PCDHGB6: variants seen among roughly 807,000 people sequenced by gnomAD.
PCDHGB6 encodes the protein protocadherin gamma subfamily B, 6, also known as protocadherin gamma-B6.
In PCDHGB6, 51 loss-of-function variants were observed where a neutral mutation model predicts 59.1. That is an observed-to-expected ratio of 0.86 (90% CI 0.69 to 1.09). PCDHGB6 has a LOEUF of 1.09. Ranked by LOEUF, PCDHGB6 falls within the 50% of genes least tolerant of loss-of-function variation. PCDHGB6 has a pLI of 0.00. For missense variants in PCDHGB6, 1,148 were observed against 1,205.1 expected (o/e 0.95, Z 0.70); for synonymous variants, 466 against 495.1 (o/e 0.94, Z 0.78).
Position 141,409,074 on chromosome 5 carries a change from T to C in PCDHGB6, c.872T>C (p.Met291Thr), listed in dbSNP as rs375843119. The C allele has an allele frequency of 4.3e-5, 69 of 1,613,884 alleles. No homozygotes were observed. Among genetic ancestry groups the C allele is most frequent in the South Asian group, 2.4e-4 (22 of 91,084 alleles). Residue 291 changes from methionine (M) to threonine (T), a missense_variant, in exon 1 of 4, where the codon ATG becomes ACG. This residue lies in a region of PCDHGB6 where 549 missense variants were observed against 527.5 expected (regional missense o/e 1.04). Coordinates refer to ENST00000520790, the MANE Select transcript of PCDHGB6 (RefSeq NM_018926.3). The stretch of plus-strand genomic sequence containing the variant: ...AGCACTGCCCAGAGCACAAAACATA[T>C]GTTCTCATTGGATGAGAAAACAGGT... ...FRSTAQSTKH[M>T]FSLDEKTGMI...
At position 141,489,783 on chromosome 5, in the gene PCDHGB6, T is replaced by C; in HGVS notation, c.2419-5024T>C. The C allele has an allele frequency of 6.2e-7, 1 of 1,614,164 alleles. No individual in the cohort carries two copies. On this transcript the variant is annotated intron_variant, in intron 1 of 3. Transcript: ENST00000520790. The surrounding 1 kb of genome is among the most constrained non-coding windows in gnomAD (Gnocchi z 4.5). ...GCCCCAACAGCCACTTCTCTCTGAA[T>C]GTGAAGACCCTAAAAGATGGGAAGC... is the stretch of plus-strand genomic sequence containing the variant.
rs1562106021 is a variant in PCDHGB6 at position 141,485,561 on chromosome 5, G to T, written c.2419-9246G>T. 6.2e-7 allele frequency: 1 copy of T among 1,613,008 alleles called. No individual in the cohort carries two copies. Among genetic ancestry groups the T allele is most frequent in the Non-Finnish European group, 8.5e-7 (1 of 1,179,122 alleles). ...AGAGATCGTAGATGTGAATGATCAC[G>T]CCCCCCGTTTTCCGCGGCAGCAGCT... On this transcript the variant is annotated intron_variant, in intron 1 of 3. Coordinates refer to ENST00000520790, the MANE Select transcript of PCDHGB6 (RefSeq NM_018926.3). The surrounding 1 kb of genome is among the most constrained non-coding windows in gnomAD (Gnocchi z 5.7).
At chr5:141,421,508 A>C in intron 1 of PCDHGB6, 1 of 1,614,046 alleles carries the variant, frequency 6.2e-7, no homozygotes, top group Non-Finnish European at 8.5e-7. Context: ...ATAGACCGGG[A>C]GGAGCTCTGT....
intron 2 of PCDHGB6, among the ~76,000 whole-genome samples, 199 bp downstream of exon 2, chr5:141,495,064 C>T (rs563712352): frequency 6.6e-6 from 1 of 152,296 alleles, no homozygotes; most frequent in South Asian, 2.1e-4. Context: ...GTTCAGGAAG[C>T]TCAATTCACA....
intron 1 of PCDHGB6, among the ~76,000 whole-genome samples, chr5:141,458,408 C>A (rs895785923): frequency 6.6e-6 from 1 of 151,932 alleles, no homozygotes; most frequent in East Asian, 1.9e-4. Flanking sequence ...AGAGACGGAG[C>A]GGGGGTTCCA....
At chr5:141,438,589 TAC>T (rs72335471) in intron 1 of PCDHGB6, among the ~76,000 whole-genome samples, 19,881 of 66,350 alleles carry the variant, frequency 0.3, 2,903 homozygotes, top group Admixed American at 0.41. Context: ...CATACATACA[TAC>T]ATATATATAT....
chr5:141,415,853 G>GTAGTT, intron 1 of PCDHGB6: 1 of 1,186,350 alleles, frequency 8.4e-7, no homozygotes, highest in Non-Finnish European at 1.1e-6. Context: ...GCAGAACCTT[G>GTAGTT]TAGTTTATAG....
At position 141,444,152 on chromosome 5, in the gene PCDHGB6, A is replaced by ATTT. The variant is rs747671382; in HGVS notation, c.2418+33566_2418+33568dup. 1.9e-3 allele frequency among the ~76,000 whole-genome samples: 66 copies of ATTT among 33,898 alleles called. 23 individuals are homozygous for ATTT. Among genetic ancestry groups the ATTT allele is most frequent in the African/African-American group, 4.6e-3 (33 of 7,184 alleles). The allele number at this position is 33,898 out of a possible 152,430, so 22.2% of individuals were successfully genotyped here. A position where few individuals can be genotyped will look rare whatever the true frequency, so the allele number is the denominator to read the frequency against. On this transcript the variant is annotated intron_variant, in intron 1 of 3. Transcript: ENST00000520790. Reference sequence around the variant, plus strand: ...GATATGTGTCACTTGTGTGTACTGGATTTTTTTTTTTTTTTTTTTTTTTTT... The same window carrying ATTT: ...GATATGTGTCACTTGTGTGTACTGGATTTTTTTTTTTTTTTTTTTTTTTTTTTT...
At chr5:141,427,115 C>G (rs1276437779) in intron 1 of PCDHGB6, 5 of 457,520 alleles carry the variant, frequency 1.1e-5, no homozygotes, top group African/African-American at 1.0e-4. Flanking sequence ...AGATCACCTA[C>G]TCTTTCAAAT....
intron 1 of PCDHGB6, among the ~76,000 whole-genome samples, chr5:141,437,550 A>T (rs866913156): frequency 6.6e-6 from 1 of 152,192 alleles, no homozygotes; most frequent in African/African-American, 2.4e-5. Context: ...AGTTTTCTTT[A>T]TGACATGTAA....
At chr5:141,419,439 C>G (rs375537017) in intron 1 of PCDHGB6, 1 of 1,613,154 alleles carries the variant, frequency 6.2e-7, no homozygotes, top group Non-Finnish European at 8.5e-7. Context: ...CAGCTGCGCA[C>G]CTTCGAGCTC....
At chr5:141,427,550 C>T (rs1310933864) in intron 1 of PCDHGB6, 1 of 643,730 alleles carries the variant, frequency 1.6e-6, no homozygotes, top group East Asian at 3.2e-5. Context: ...CCATCACTGC[C>T]ACTGACAAGG....
At chr5:141,472,172 T>A (rs548514406) in intron 1 of PCDHGB6, among the ~76,000 whole-genome samples, 11 of 152,326 alleles carry the variant, frequency 7.2e-5, no homozygotes, top group African/African-American at 2.6e-4. Context: ...AGGTGTAATA[T>A]CCAGTATTGG....
chr5:141,417,141 C>T (rs1455831459), intron 1 of PCDHGB6: 1 of 152,018 alleles, frequency 6.6e-6, no homozygotes, highest in Non-Finnish European at 1.5e-5. Context: ...ATGACTAGGG[C>T]AATGGTTGCA....
At chr5:141,413,626 G>T (rs757785567) in intron 1 of PCDHGB6, 24 of 1,613,680 alleles carry the variant, frequency 1.5e-5, no homozygotes, top group Non-Finnish European at 1.7e-5. Context: ...TGAAAATGTC[G>T]CTGCGGGAAT....
Position 141,432,581 on chromosome 5 carries a change from C to T in PCDHGB6, c.2418+21961C>T. 6.2e-7 allele frequency: 1 copy of T among 1,613,930 alleles called. No homozygotes were observed. The highest frequency in any genetic ancestry group is 8.5e-7 in the Non-Finnish European group (1 of 1,179,974). On this transcript the variant is annotated intron_variant, in intron 1 of 3. Coordinates refer to ENST00000520790, the MANE Select transcript of PCDHGB6 (RefSeq NM_018926.3). The surrounding 1 kb of genome is among the most constrained non-coding windows in gnomAD (Gnocchi z 6.0). ...CCAGAACGCCTGGCTGTCCTACCGT[C>T]TGCTCAAGGCCAGCGAGCCGGGACT...
rs1007318194 is a variant in PCDHGB6, at chr5:141,512,035, T to G, written c.*862T>G. On this transcript the variant is annotated 3_prime_UTR_variant, in exon 4 of 4. Coordinates refer to ENST00000520790, the MANE Select transcript of PCDHGB6 (RefSeq NM_018926.3). ...AAGTTATCAAGGCCTTGGAGGAGGC[T>G]CTGTATGTCCTCAGGGGACTGACAA... 1.3e-5 allele frequency: 2 copies of G among 152,870 alleles called. No individual in the cohort carries two copies. Among genetic ancestry groups the G allele is most frequent in the African/African-American group, 4.8e-5 (2 of 41,464 alleles). The allele number at this position is 152,870 out of a possible 1,614,324, so 9.5% of individuals were successfully genotyped here.
chr5:141,485,434 G>A lies in PCDHGB6; in HGVS notation c.2419-9373G>A. The A allele has an allele frequency of 6.2e-7, 1 of 1,614,166 alleles. No individual in the cohort carries two copies. The highest frequency in any genetic ancestry group is 8.5e-7 in the Non-Finnish European group (1 of 1,180,018). On this transcript the variant is annotated intron_variant, in intron 1 of 3. Coordinates refer to ENST00000520790, the MANE Select transcript of PCDHGB6 (RefSeq NM_018926.3). This position sits in a 1 kb window ranked among gnomAD's most constrained non-coding sequence, Gnocchi z 5.7. ...TGGACAGCGGAGCCCTGCTCATCAA[G>A]AACCCAATCGACCGAGAGGCACTGT...
In PCDHGB6 at chr5:141,490,706, T is replaced by C. The variant is rs777636562; in HGVS notation, c.2419-4101T>C. On this transcript the variant is annotated intron_variant, in intron 1 of 3. Coordinates refer to ENST00000520790, the MANE Select transcript of PCDHGB6 (RefSeq NM_018926.3). This position sits in a 1 kb window ranked among gnomAD's most constrained non-coding sequence, Gnocchi z 5.4. ...CCAGACACTGGGGATAATGCCCGCC[T>C]CACCTACTCCATTGTAGGAAATCAG... is the stretch of plus-strand genomic sequence containing the variant. The C allele has an allele frequency of 6.2e-7, 1 of 1,614,074 alleles. No homozygotes were observed. Among genetic ancestry groups the C allele is most frequent in the African/African-American group, 1.3e-5 (1 of 74,948 alleles).
Sources: gnomAD v4.1 joint callset for allele counts (sites outside exome capture counted in the v4.1 genomes callset) on GRCh38, gnomAD v4.1.1 for gene constraint, gnomAD v4.1.1 regional missense constraint, Gnocchi (gnomAD v3.1) non-coding constraint, MANE v1.5 for transcripts, NCBI Gene and HGNC (gene_info 2026-07-23, HGNC 2026-07-21) for gene names.